GNG2: variants seen among roughly 807,000 people sequenced by gnomAD.
The protein encoded by GNG2 is G protein subunit gamma 2, also known as guanine nucleotide-binding protein G(I)/G(S)/G(O) subunit gamma-2.
GNG2 carries 5 observed loss-of-function variants against 5.5 expected under a neutral mutation model. The observed-to-expected ratio is 0.91, with a 90% CI of 0.48 to 1.92. The LOEUF (loss-of-function observed/expected upper bound fraction) is 1.92, where lower values mean the gene tolerates loss of function less well. Ranked by LOEUF, GNG2 falls within the 30% of genes most tolerant of loss-of-function variation. GNG2 has a pLI of 0.01. For missense variants in GNG2, 55 were observed against 88.4 expected, an observed-to-expected ratio of 0.62 and a Z score of 1.52; for synonymous variants, 28 against 32.0, an observed-to-expected ratio of 0.88 and a Z score of 0.42.
At chr14:51,909,350 G>A (rs547173252) in intron 2 of GNG2, among the ~76,000 whole-genome samples, 1 of 152,278 alleles carries the variant, frequency 6.6e-6, no homozygotes, top group East Asian at 1.9e-4. Flanking sequence ...ATTTTCAAGT[G>A]AAAGGGTATA....
At position 51,949,350 on chromosome 14, in the gene GNG2, C is replaced by T. The variant is rs148534202; in HGVS notation, c.-29-1300C>T. Reference sequence around the variant, plus strand: ...AATTTATAGACTTTTGCTTTTTGGTCATTAAGACAATAATTATTTGTTGAT... The same window carrying T: ...AATTTATAGACTTTTGCTTTTTGGTTATTAAGACAATAATTATTTGTTGAT... On this transcript the variant is annotated intron_variant, in intron 2 of 3. Transcript: ENST00000556766. Among the ~76,000 whole-genome samples, 7 of 152,064 alleles carry T rather than the reference C, an allele frequency of 4.6e-5. No homozygotes were observed. The East Asian group carries it at 1.4e-3, about 29-fold the overall frequency.
rs979197233 is a variant in GNG2 at position 51,968,731 on chromosome 14, A to T, written c.*2044A>T. The T allele has an allele frequency of 1.3e-5, 2 of 152,242 alleles. No individual in the cohort carries two copies. The highest frequency in any genetic ancestry group is 4.8e-5 in the African/African-American group (2 of 41,466). 9.4% of individuals were successfully genotyped at this position (152,242 alleles called of 1,614,324 possible). ...TAAGCTAAAACATATCACAGTTTTT[A>T]CATGGGCCAAAACATGAATTGAGTA... is the stretch of plus-strand genomic sequence containing the variant. On this transcript the variant is annotated 3_prime_UTR_variant, in exon 4 of 4. Coordinates refer to ENST00000556766, the MANE Select transcript of GNG2 (RefSeq NM_053064.5).
At chr14:51,915,492 G>T (rs947582861) in intron 2 of GNG2, among the ~76,000 whole-genome samples, 3 of 152,156 alleles carry the variant, frequency 2.0e-5, no homozygotes, top group Admixed American at 1.3e-4. Flanking sequence ...GACTTAAAGA[G>T]GCAGCAAGGA....
chr14:51,891,597 G>T (rs992566943), intron 2 of GNG2, among the ~76,000 whole-genome samples: 10 of 151,972 alleles, frequency 6.6e-5, no homozygotes, highest in African/African-American at 2.4e-4. Flanking sequence ...CCATAATCTG[G>T]ACATTTTATT....
intron 3 of GNG2, among the ~76,000 whole-genome samples, chr14:51,964,637 C>G (rs553080403): frequency 6.6e-6 from 1 of 152,190 alleles, no homozygotes; most frequent in East Asian, 1.9e-4. Context: ...AACAGAGACC[C>G]CAAAAATTCA....
At chr14:51,839,673 T>G (rs8003999) in intron 2 of GNG2, among the ~76,000 whole-genome samples, 39,849 of 152,094 alleles carry the variant, frequency 0.26, 6,424 homozygotes, top group Non-Finnish European at 0.37. Context: ...ATGCAGCTGT[T>G]CTATATCTTG....
At chr14:51,905,160 T>G (rs1885834969) in intron 2 of GNG2, among the ~76,000 whole-genome samples, 1 of 152,200 alleles carries the variant, frequency 6.6e-6, no homozygotes, top group Admixed American at 6.5e-5. Context: ...ACCCCATCAC[T>G]CAGGGATTGG....
intron 2 of GNG2, among the ~76,000 whole-genome samples, chr14:51,944,462 G>A (rs1250922361): frequency 6.6e-6 from 1 of 151,984 alleles, no homozygotes; most frequent in African/African-American, 2.4e-5. Context: ...ACTTCCCAAG[G>A]GCTCCACCTC....
At chr14:51,914,237 A>C (rs1048206871) in intron 2 of GNG2, 1 of 702,162 alleles carries the variant, frequency 1.4e-6, no homozygotes, top group African/African-American at 1.7e-5. Flanking sequence ...CATTGAATGG[A>C]GTTATTAGGC....
chr14:51,891,729 T>C (rs1884868148), intron 2 of GNG2, among the ~76,000 whole-genome samples: 3 of 152,350 alleles, frequency 2.0e-5, no homozygotes, highest in Admixed American at 1.3e-4. Flanking sequence ...TCCAGGTGGA[T>C]GTACATAGCT....
At chr14:51,863,676 T>C (rs536417431) in intron 1 of GNG2, among the ~76,000 whole-genome samples, 1 of 152,204 alleles carries the variant, frequency 6.6e-6, no homozygotes, top group East Asian at 1.9e-4. Flanking sequence ...CATTAATCAA[T>C]ACCTCCTCTT....
chr14:51,864,306 A>T (rs1280105105), intron 1 of GNG2, among the ~76,000 whole-genome samples: 1 of 152,184 alleles, frequency 6.6e-6, no homozygotes, highest in Non-Finnish European at 1.5e-5. Flanking sequence ...GGCCATTTGT[A>T]TATCTTCTTA....
At chr14:51,937,422 G>A (rs74653179) in intron 2 of GNG2, among the ~76,000 whole-genome samples, 2,494 of 152,148 alleles carry the variant, frequency 0.016, 64 homozygotes, top group African/African-American at 0.057. Context: ...ATGTATATTA[G>A]TTAATATTTC....
chr14:51,893,663 A>G (rs1056319176), intron 2 of GNG2, among the ~76,000 whole-genome samples: 15 of 151,934 alleles, frequency 9.9e-5, no homozygotes, highest in African/African-American at 3.6e-4. Flanking sequence ...TTGCTTAGGC[A>G]TATTTCCTCT....
chr14:51,924,931 G>T (rs1887219274), intron 2 of GNG2, among the ~76,000 whole-genome samples: 1 of 152,156 alleles, frequency 6.6e-6, no homozygotes, highest in Non-Finnish European at 1.5e-5. Context: ...CTAAGCACTG[G>T]ACATGAACCA....
chr14:51,885,299 C>T (rs112521848), intron 2 of GNG2, among the ~76,000 whole-genome samples: 227 of 151,154 alleles, frequency 1.5e-3, no homozygotes, highest in African/African-American at 5.2e-3. Flanking sequence ...TAAAATATGA[C>T]ACAAATGTAG....
chr14:51,953,824 C>A (rs1397334974), intron 3 of GNG2, among the ~76,000 whole-genome samples: 1 of 152,186 alleles, frequency 6.6e-6, no homozygotes, highest in Admixed American at 6.5e-5. Context: ...ACTTTCCATA[C>A]ATGATCCTTC....
At chr14:51,855,385 C>T (rs1407661045) in intron 2 of GNG2, among the ~76,000 whole-genome samples, 1 of 152,168 alleles carries the variant, frequency 6.6e-6, no homozygotes, top group Non-Finnish European at 1.5e-5. Flanking sequence ...TGACTCTCTT[C>T]GAGCCAAATA....
chr14:51,934,718 A>T (rs1409427694), intron 2 of GNG2, among the ~76,000 whole-genome samples: 1 of 152,186 alleles, frequency 6.6e-6, no homozygotes, highest in Non-Finnish European at 1.5e-5. Context: ...GGTGCCGGTC[A>T]GTTCATTAAG....
Sources: allele counts gnomAD v4.1 joint callset (sites outside exome capture counted in the v4.1 genomes callset), GRCh38; gene constraint gnomAD v4.1.1; transcripts MANE v1.5; gene names NCBI Gene and HGNC (gene_info 2026-07-23, HGNC 2026-07-21).